The following LMO7 variants were observed in gnomAD, a reference collection of about 807,000 sequenced individuals.
LMO7 encodes the protein LIM domain only protein 7.
LMO7 carries 120 observed loss-of-function variants against 206.5 expected under a neutral mutation model. The ratio of observed to expected loss-of-function variants is 0.58; its 90% CI spans 0.50 to 0.68. The LOEUF (loss-of-function observed/expected upper bound fraction) is 0.68, where lower values mean the gene tolerates loss of function less well. Among genes scored for constraint, LMO7 ranks in the 30% least tolerant of loss-of-function variants. LMO7 has a pLI of 0.00. For missense variants in LMO7, 1,959 were observed against 1,957.9 expected, an observed-to-expected ratio of 1.00 and a Z score of -0.01; for synonymous variants, 706 against 681.5, an observed-to-expected ratio of 1.04 and a Z score of -0.56.
At chr13:75,685,085 G>A (rs572190069) in intron 1 of LMO7, among the ~76,000 whole-genome samples, 1 of 152,226 alleles carries the variant, frequency 6.6e-6, no homozygotes, top group South Asian at 2.1e-4. Flanking sequence ...TGGAAATAAT[G>A]TTTTCCATAA....
chr13:75,718,542 A>G (rs1042079016), intron 2 of LMO7, among the ~76,000 whole-genome samples: 3 of 152,136 alleles, frequency 2.0e-5, no homozygotes, highest in Non-Finnish European at 4.4e-5. Context: ...GAAAGATCCC[A>G]TATTTTCCAT....
At chr13:75,651,654 C>CAT (rs1202931584) in intron 1 of LMO7, among the ~76,000 whole-genome samples, 1 of 152,146 alleles carries the variant, frequency 6.6e-6, no homozygotes, top group Non-Finnish European at 1.5e-5. Context: ...TTACAGCAAC[C>CAT]ATATCTGTAC....
intron 11 of LMO7, among the ~76,000 whole-genome samples, chr13:75,813,558 G>C (rs1218481708): frequency 1.3e-5 from 2 of 152,136 alleles, no homozygotes; most frequent in Non-Finnish European, 2.9e-5. Flanking sequence ...GCTTGATGTG[G>C]GTAACTTTTT....
chr13:75,837,807 T>C (rs572510776), intron 19 of LMO7, among the ~76,000 whole-genome samples: 30 of 152,330 alleles, frequency 2.0e-4, no homozygotes, highest in Non-Finnish European at 1.8e-4. Flanking sequence ...TTGTTTAACC[T>C]AAGCAAAAAA....
At chr13:75,705,683 A>AT (rs2042600273) in intron 1 of LMO7, among the ~76,000 whole-genome samples, 1 of 152,244 alleles carries the variant, frequency 6.6e-6, no homozygotes, top group African/African-American at 2.4e-5. Context: ...GAAAAACTGA[A>AT]TGAGTAATTG....
chr13:75,834,564 G>T (rs923635260), intron 17 of LMO7, among the ~76,000 whole-genome samples, 177 bp downstream of exon 17: 1 of 151,446 alleles, frequency 6.6e-6, no homozygotes, highest in African/African-American at 2.4e-5. Context: ...ACTCTGTCTG[G>T]ATTTTTCACT....
chr13:75,704,151 A>C (rs568235738), intron 1 of LMO7, among the ~76,000 whole-genome samples: 1 of 152,304 alleles, frequency 6.6e-6, no homozygotes, highest in African/African-American at 2.4e-5. Flanking sequence ...CCTCCTGTAT[A>C]CCAGCCTGGG....
rs930195710 is a variant in LMO7, at chr13:75,855,443, G to A, written c.4770+75G>A. On this transcript the variant is annotated intron_variant, in intron 29 of 30. Transcript: ENST00000377534. ...GCGCATGGCTGCTTTGAGCCGCTGG[G>A]TGTAGATGTGCCACTAACAAGCTAG... is the stretch of plus-strand genomic sequence containing the variant. 13 of 824,812 alleles carry A rather than the reference G, an allele frequency of 1.6e-5. No individual in the cohort carries two copies. In the African/African-American group the frequency reaches 2.2e-4, roughly 14 times the overall value. The allele number at this position is 824,812 out of a possible 1,614,324, so 51.1% of individuals were successfully genotyped here.
chr13:75,690,764 G>GACCAA (rs2041401162), intron 1 of LMO7, among the ~76,000 whole-genome samples: 1 of 152,200 alleles, frequency 6.6e-6, no homozygotes, highest in Admixed American at 6.5e-5. Context: ...AGTTTAAGGT[G>GACCAA]TGGTTTTCAA....
At chr13:75,763,447 C>A (rs930739886) in intron 4 of LMO7, among the ~76,000 whole-genome samples, 2 of 152,152 alleles carry the variant, frequency 1.3e-5, no homozygotes, top group African/African-American at 2.4e-5. Flanking sequence ...CTTTTATATA[C>A]AGACATAATT....
intron 3 of LMO7, among the ~76,000 whole-genome samples, chr13:75,753,274 G>A (rs1474175254): frequency 6.6e-6 from 1 of 152,104 alleles, no homozygotes; most frequent in Non-Finnish European, 1.5e-5. Flanking sequence ...GGTTTAGTTG[G>A]ACTTTTGTTG....
chr13:75,715,831 A>G (rs555626152), intron 2 of LMO7, among the ~76,000 whole-genome samples: 1 of 152,312 alleles, frequency 6.6e-6, no homozygotes, highest in Admixed American at 6.5e-5. Context: ...CCTGTGTTAT[A>G]TATAATGCCT....
At chr13:75,775,394 C>A (rs1256351182) in intron 4 of LMO7, among the ~76,000 whole-genome samples, 1 of 151,746 alleles carries the variant, frequency 6.6e-6, no homozygotes, top group East Asian at 1.9e-4. Context: ...GGACATTGGT[C>A]CAGGCAAAGA....
intron 1 of LMO7, among the ~76,000 whole-genome samples, chr13:75,651,057 A>G (rs546569075): frequency 3.3e-5 from 5 of 152,324 alleles, no homozygotes; most frequent in Non-Finnish European, 1.5e-5. Context: ...CCAATTTGCA[A>G]ACATTTTTAG....
At position 75,796,734 on chromosome 13, in the gene LMO7, A is replaced by G; in HGVS notation, c.447A>G (p.Gly149=). 1 of 1,601,646 alleles carries G rather than the reference A, an allele frequency of 6.2e-7. No individual in the cohort carries two copies. The highest frequency in any genetic ancestry group is 8.6e-7 in the Non-Finnish European group (1 of 1,168,748). Residue 149 remains glycine, a synonymous_variant, in exon 6 of 31, where the codon GGA becomes GGG. Coordinates refer to ENST00000377534, the MANE Select transcript of LMO7 (RefSeq NM_001306080.2). The part of the protein sequence containing the change: ...LNLKAFENLL[G]QALTKALEDS... ...TGAAAGCGTTTGAGAATCTTTTAGG[A>G]CAAGCACTGACGAAGGTAAGTAAAC...
In LMO7 at chr13:75,838,106, T is replaced by A. The variant is rs565040522; in HGVS notation, c.3395-34T>A. ...ATTTACCAATGGTGAGAAATAAAAA[T>A]GAATGACATAGTGTTTATTTTTTTT... On this transcript the variant is annotated intron_variant, in intron 19 of 30. Coordinates refer to ENST00000377534, the MANE Select transcript of LMO7 (RefSeq NM_001306080.2). 1.2e-5 allele frequency: 16 copies of A among 1,280,056 alleles called. No homozygotes were observed. The African/African-American group carries it at 1.6e-4, about 13-fold the overall frequency. 79.3% of individuals were successfully genotyped at this position (1,280,056 alleles called of 1,614,324 possible). A position where few individuals can be genotyped will look rare whatever the true frequency, so the allele number is the denominator to read the frequency against.
At chr13:75,676,474 T>C (rs1032773764) in intron 1 of LMO7, among the ~76,000 whole-genome samples, 4 of 152,222 alleles carry the variant, frequency 2.6e-5, no homozygotes, top group Non-Finnish European at 5.9e-5. Context: ...GAATGAACCT[T>C]CTAAGCAATG....
rs1468938644 is a variant in LMO7, at chr13:75,822,828, AT to A, written c.2641-736del. On this transcript the variant is annotated intron_variant, in intron 14 of 30. Coordinates refer to ENST00000377534, the MANE Select transcript of LMO7 (RefSeq NM_001306080.2). ...AAAAATTATATATATATAATAAAAT[AT>A]ATATATATATATATAAAACTTTTGC... Among the ~76,000 whole-genome samples the A allele has an allele frequency of 6.0e-3, 80 of 13,272 alleles. 1 individual carries two copies. Among genetic ancestry groups the A allele is most frequent in the Non-Finnish European group, 5.8e-3 (27 of 4,634 alleles). The allele number at this position is 13,272 out of a possible 152,430, so 8.7% of individuals were successfully genotyped here. A position where few individuals can be genotyped will look rare whatever the true frequency, so the allele number is the denominator to read the frequency against.
chr13:75,724,495 G>A (rs2044294121), intron 2 of LMO7, among the ~76,000 whole-genome samples: 1 of 152,126 alleles, frequency 6.6e-6, no homozygotes, highest in Non-Finnish European at 1.5e-5. Flanking sequence ...GTTACCTGAA[G>A]CCAGTGTTAC....
Sources: gnomAD v4.1 joint callset for allele counts (sites outside exome capture counted in the v4.1 genomes callset) on GRCh38, gnomAD v4.1.1 for gene constraint, MANE v1.5 for transcripts, NCBI Gene and HGNC (gene_info 2026-07-23, HGNC 2026-07-21) for gene names.